ATCAY: variants seen among roughly 807,000 people sequenced by gnomAD.
ATCAY encodes caytaxin.
Under a neutral mutation model 47.7 loss-of-function variants are expected in ATCAY, and 22 were observed. The ratio of observed to expected loss-of-function variants is 0.46; its 90% CI spans 0.33 to 0.66. The LOEUF is 0.66. Among genes scored for constraint, ATCAY ranks in the 30% least tolerant of loss-of-function variants. ATCAY has a pLI of 0.02. For synonymous variants in ATCAY, 216 were observed against 207.6 expected (o/e 1.04, Z -0.35); for missense variants, 452 against 515.0 (o/e 0.88, Z 1.18).
At chr19:3,894,614 C>A (rs1288858204) in intron 2 of ATCAY, among the ~76,000 whole-genome samples, 3 of 142,958 alleles carry the variant, frequency 2.1e-5, no homozygotes, top group African/African-American at 7.9e-5. Flanking sequence ...CATGGCGAGA[C>A]CCTGTGTCTG....
In ATCAY at chr19:3,905,560, C is replaced by T. The variant is rs1338351222; in HGVS notation, c.263C>T (p.Pro88Leu). 3 of 1,613,786 alleles carry T rather than the reference C, an allele frequency of 1.9e-6. No homozygotes were observed. The highest frequency in any genetic ancestry group is 1.7e-6 in the Non-Finnish European group (2 of 1,179,878). The change falls in exon 4 of 13, where the codon CCT (proline) becomes CTT (leucine). Residue 88 changes from proline to leucine, a missense_variant. By Grantham distance (98) the Pro-to-Leu change is moderately conservative (BLOSUM62 -3). Transcript: ENST00000450849. Reference protein sequence around the residue: ...SLLSDDFLDTPDDLDINVDDI... With the variant: ...SLLSDDFLDTLDDLDINVDDI... ...CTGTCCGATGACTTCTTGGATACCC[C>T]TGATGACCTGGATATTAACGTGGAT...
intron 1 of ATCAY, among the ~76,000 whole-genome samples, chr19:3,882,875 T>A (rs2038613966): frequency 6.6e-6 from 1 of 151,794 alleles, no homozygotes; most frequent in Non-Finnish European, 1.5e-5. Flanking sequence ...GGTCTTGACC[T>A]TCTGGGCTCA....
intron 9 of ATCAY, among the ~76,000 whole-genome samples, chr19:3,914,379 C>G (rs1031103911): frequency 1.3e-5 from 2 of 151,930 alleles, no homozygotes; most frequent in Non-Finnish European, 2.9e-5. Context: ...CTTTATAAAA[C>G]CATCAGATCT....
intron 12 of ATCAY, among the ~76,000 whole-genome samples, chr19:3,922,516 C>T (rs763288086): frequency 1.3e-4 from 20 of 152,126 alleles, no homozygotes; most frequent in Non-Finnish European, 2.6e-4. Flanking sequence ...GTACCGCCCA[C>T]GACAAGTGGG....
intron 12 of ATCAY, 36 bp from the exon 13 acceptor site, chr19:3,924,547 A>G: frequency 6.2e-7 from 1 of 1,613,680 alleles, no homozygotes; most frequent in Non-Finnish European, 8.5e-7. Context: ...TTTAACATTA[A>G]CAGCAATAAC....
chr19:3,888,433 C>T (rs2038682987), intron 2 of ATCAY, among the ~76,000 whole-genome samples: 2 of 151,742 alleles, frequency 1.3e-5, no homozygotes, highest in African/African-American at 4.8e-5. Flanking sequence ...AGTTCGAGGC[C>T]AGCCTGGACA....
intron 10 of ATCAY, 125 bp from the exon 11 acceptor site, chr19:3,918,681 T>A (rs922723212): frequency 1.6e-5 from 14 of 896,184 alleles, no homozygotes; most frequent in Non-Finnish European, 2.1e-5. Flanking sequence ...GCAGGGAACA[T>A]CTCACTGGTT....
At chr19:3,896,534 C>G (rs149215212) in intron 2 of ATCAY, among the ~76,000 whole-genome samples, 1 of 143,316 alleles carries the variant, frequency 7.0e-6, no homozygotes, top group Non-Finnish European at 1.5e-5. Context: ...CCCAAAGTGC[C>G]GGGATTACAG....
At chr19:3,899,395 C>G (rs1431691819) in intron 2 of ATCAY, among the ~76,000 whole-genome samples, 2 of 148,608 alleles carry the variant, frequency 1.3e-5, no homozygotes, top group East Asian at 3.9e-4. Context: ...CTCACCGCAA[C>G]CTCCGCCTCC....
At chr19:3,918,960 T>C (rs915280518) in intron 11 of ATCAY, 83 bp downstream of exon 11, 20 of 1,519,268 alleles carry the variant, frequency 1.3e-5, no homozygotes, top group East Asian at 2.3e-5. Context: ...GAGAGGAAGA[T>C]GGGTCCTTGT....
chr19:3,890,318 A>AGT (rs983416705), intron 2 of ATCAY, among the ~76,000 whole-genome samples: 3 of 122,088 alleles, frequency 2.5e-5, no homozygotes, highest in Non-Finnish European at 4.7e-5. Context: ...GCTGGAGTGC[A>AGT]GTGGCGCGAG....
chr19:3,909,872 G>A (rs2145251769), intron 7 of ATCAY, among the ~76,000 whole-genome samples: 1 of 152,274 alleles, frequency 6.6e-6, no homozygotes, highest in Non-Finnish European at 1.5e-5. Context: ...ATCACCTGAG[G>A]TCAGGAGTTC....
At chr19:3,885,662 G>A (rs2038643801) in intron 1 of ATCAY, 65 bp from the exon 2 acceptor site, 4 of 866,714 alleles carry the variant, frequency 4.6e-6, no homozygotes, top group Admixed American at 2.1e-5. Context: ...AGAGCTGCAT[G>A]GGGTAGACGA....
intron 1 of ATCAY, 38 bp downstream of exon 1, chr19:3,881,046 G>T (rs1253707870): frequency 6.6e-6 from 1 of 152,150 alleles, no homozygotes. Flanking sequence ...AGGATAAACC[G>T]TCTCCCTGGA....
At chr19:3,881,758 A>T (rs1218279262) in intron 1 of ATCAY, among the ~76,000 whole-genome samples, 6 of 151,710 alleles carry the variant, frequency 4.0e-5, no homozygotes, top group Admixed American at 3.9e-4. Flanking sequence ...CACCCAGCTC[A>T]GTATAAGGAA....
chr19:3,921,700 C>T (rs970265184), intron 12 of ATCAY, among the ~76,000 whole-genome samples: 1 of 152,050 alleles, frequency 6.6e-6, no homozygotes, highest in African/African-American at 2.4e-5. Context: ...GAATTCAAGA[C>T]CAGCCTGGCC....
chr19:3,900,113 A>C (rs2038803609), intron 2 of ATCAY, among the ~76,000 whole-genome samples: 1 of 152,076 alleles, frequency 6.6e-6, no homozygotes, highest in African/African-American at 2.4e-5. Flanking sequence ...ATATTGATCA[A>C]TATTGGTTAT....
intron 10 of ATCAY, among the ~76,000 whole-genome samples, chr19:3,918,554 C>CAA (rs762114179): frequency 0.52 from 74,175 of 142,666 alleles, 19,725 homozygotes; most frequent in East Asian, 0.92. Context: ...GATCCTGTCT[C>CAA]AAAAAAAAAA....
chr19:3,909,153 C>T (rs1310620955), intron 6 of ATCAY, among the ~76,000 whole-genome samples: 1 of 136,048 alleles, frequency 7.4e-6, no homozygotes, highest in Non-Finnish European at 1.6e-5. Context: ...AGGAGAATGG[C>T]GTGAACCTGG....
Sources: allele counts gnomAD v4.1 joint callset (sites outside exome capture counted in the v4.1 genomes callset), GRCh38; gene constraint gnomAD v4.1.1; transcripts MANE v1.5; gene names NCBI Gene and HGNC (gene_info 2026-07-23, HGNC 2026-07-21).